The following TAFA2 variants were observed in gnomAD, a reference collection of about 807,000 sequenced individuals.
TAFA2 encodes TAFA chemokine like family member 2.
In TAFA2, 7 loss-of-function variants were observed where a neutral mutation model predicts 18.8. The ratio of observed to expected loss-of-function variants is 0.37; its 90% CI spans 0.21 to 0.70. The LOEUF (loss-of-function observed/expected upper bound fraction) is 0.70, where lower values mean the gene tolerates loss of function less well. Ranked by LOEUF, TAFA2 falls within the 30% of genes least tolerant of loss-of-function variation. The pLI, the probability that TAFA2 is intolerant of heterozygous loss-of-function variation, is 0.53. For synonymous variants in TAFA2, 60 were observed against 54.2 expected (o/e 1.11, Z -0.47); for missense variants, 122 against 158.1 (o/e 0.77, Z 1.23).
At chr12:61,935,709 C>T (rs959693222) in intron 1 of TAFA2, among the ~76,000 whole-genome samples, 1 of 151,960 alleles carries the variant, frequency 6.6e-6, no homozygotes, top group Non-Finnish European at 1.5e-5. Context: ...TTTTAAACAT[C>T]TGAATTCTAA....
At chr12:61,891,989 A>T (rs1170173833) in intron 1 of TAFA2, among the ~76,000 whole-genome samples, 1 of 151,616 alleles carries the variant, frequency 6.6e-6, no homozygotes, top group Admixed American at 6.6e-5. Context: ...GCTGCTGCAT[A>T]GACTTGTAGG....
At chr12:62,070,923 T>A (rs1350766215) in intron 1 of TAFA2, among the ~76,000 whole-genome samples, 1 of 152,160 alleles carries the variant, frequency 6.6e-6, no homozygotes, top group Admixed American at 6.6e-5. Context: ...AATCTGAACA[T>A]ACGAAATAAA....
chr12:62,031,813 T>C (rs911170844), intron 1 of TAFA2, among the ~76,000 whole-genome samples: 21 of 152,206 alleles, frequency 1.4e-4, no homozygotes, highest in African/African-American at 5.1e-4. Context: ...ATCTGAAGCA[T>C]AATTTGAATA....
intron 2 of TAFA2, among the ~76,000 whole-genome samples, chr12:61,771,195 A>G (rs1006671867): frequency 2.0e-5 from 3 of 152,086 alleles, no homozygotes; most frequent in African/African-American, 7.2e-5. Flanking sequence ...ACATGAAACT[A>G]TCATAATCCT....
intron 1 of TAFA2, chr12:62,258,697 A>G (rs1308185206): frequency 9.2e-5 from 30 of 326,820 alleles, no homozygotes; most frequent in South Asian, 6.4e-4. Flanking sequence ...TATTATACTC[A>G]ATTTTATGAT....
intron 1 of TAFA2, among the ~76,000 whole-genome samples, chr12:61,984,666 TAATTA>T (rs1479023432): frequency 6.6e-6 from 1 of 152,210 alleles, no homozygotes; most frequent in African/African-American, 2.4e-5. Context: ...TTCAGATTTT[TAATTA>T]AATAATCACA....
At chr12:61,863,615 C>A (rs1396776468) in intron 2 of TAFA2, among the ~76,000 whole-genome samples, 1 of 152,190 alleles carries the variant, frequency 6.6e-6, no homozygotes, top group Non-Finnish European at 1.5e-5. Flanking sequence ...CCTGAATAAG[C>A]TTTGCCTGGA....
At chr12:62,027,833 T>C (rs980647092) in intron 1 of TAFA2, among the ~76,000 whole-genome samples, 4 of 152,190 alleles carry the variant, frequency 2.6e-5, no homozygotes, top group Non-Finnish European at 4.4e-5. Flanking sequence ...GGTATCTGCC[T>C]GTAAAATTCA....
chr12:62,026,728 T>C (rs2136739032), intron 1 of TAFA2, among the ~76,000 whole-genome samples: 1 of 152,294 alleles, frequency 6.6e-6, no homozygotes, highest in East Asian at 1.9e-4. Context: ...TTTCCATTTC[T>C]AAAAATACTC....
At chr12:61,724,657 T>C (rs1020130216) in intron 4 of TAFA2, among the ~76,000 whole-genome samples, 1 of 152,032 alleles carries the variant, frequency 6.6e-6, no homozygotes, top group African/African-American at 2.4e-5. Flanking sequence ...CATTCCTGAG[T>C]TACTTCACTT....
chr12:61,858,680 A>G (rs1301636754), intron 2 of TAFA2, among the ~76,000 whole-genome samples: 1 of 152,086 alleles, frequency 6.6e-6, no homozygotes, highest in Non-Finnish European at 1.5e-5. Context: ...CTCGTTATTT[A>G]CTGCTAAGTG....
chr12:61,739,841 T>C (rs1868371724), intron 4 of TAFA2, among the ~76,000 whole-genome samples: 1 of 152,106 alleles, frequency 6.6e-6, no homozygotes, highest in African/African-American at 2.4e-5. Context: ...TTTCTAATCA[T>C]GATAGTTGTT....
chr12:62,131,401 T>A (rs1870680025), intron 1 of TAFA2, among the ~76,000 whole-genome samples: 1 of 152,040 alleles, frequency 6.6e-6, no homozygotes. Flanking sequence ...CGGGTTGCTA[T>A]GTATAATCAA....
intron 2 of TAFA2, among the ~76,000 whole-genome samples, chr12:61,840,584 C>A (rs1873130120): frequency 6.6e-6 from 1 of 151,974 alleles, no homozygotes; most frequent in African/African-American, 2.4e-5. Context: ...ATAGTCTCAA[C>A]CAGGGAACTG....
chr12:61,941,720 C>G (rs1400309682), intron 1 of TAFA2, among the ~76,000 whole-genome samples: 1 of 152,210 alleles, frequency 6.6e-6, no homozygotes, highest in Non-Finnish European at 1.5e-5. Context: ...GGGTCACTCC[C>G]ACCCGAATAT....
At chr12:62,108,499 C>A (rs1381734035) in intron 1 of TAFA2, among the ~76,000 whole-genome samples, 2 of 152,132 alleles carry the variant, frequency 1.3e-5, no homozygotes, top group African/African-American at 4.8e-5. Context: ...TGGGTACATA[C>A]CCAGTAAGGG....
chr12:62,112,616 C>A (rs561214477), intron 1 of TAFA2, among the ~76,000 whole-genome samples: 13 of 152,238 alleles, frequency 8.5e-5, no homozygotes, highest in African/African-American at 3.1e-4. Flanking sequence ...CTTTTAGGTA[C>A]ACCAATGAAA....
intron 2 of TAFA2, among the ~76,000 whole-genome samples, chr12:61,820,242 GT>G (rs1872262159): frequency 6.6e-6 from 1 of 151,876 alleles, no homozygotes; most frequent in African/African-American, 2.4e-5. Context: ...TAAAATGGTG[GT>G]GTGGGGATGG....
At chr12:61,788,893 T>TAATAGAAAA (rs1870854908) in intron 2 of TAFA2, among the ~76,000 whole-genome samples, 1 of 151,814 alleles carries the variant, frequency 6.6e-6, no homozygotes, top group Non-Finnish European at 1.5e-5. Context: ...AATCTATCAG[T>TAATAGAAAA]ACTAAAAGTT....
Sources: allele counts gnomAD v4.1 joint callset (sites outside exome capture counted in the v4.1 genomes callset), GRCh38; gene constraint gnomAD v4.1.1; transcripts MANE v1.5; gene names NCBI Gene and HGNC (gene_info 2026-07-23, HGNC 2026-07-21).